FNIP2: variants seen among roughly 807,000 people sequenced by gnomAD.
The protein encoded by FNIP2 is folliculin interacting protein 2.
Under a neutral mutation model 108.7 loss-of-function variants are expected in FNIP2, and 32 were observed. The ratio of observed to expected loss-of-function variants is 0.29; its 90% CI spans 0.22 to 0.40. The LOEUF (loss-of-function observed/expected upper bound fraction) is 0.40, where lower values mean the gene tolerates loss of function less well. Among genes scored for constraint, FNIP2 ranks in the 10% least tolerant of loss-of-function variants. The probability of loss-of-function intolerance (pLI) is 1.00; values close to 1 mark genes in which losing one functional copy is unlikely to be tolerated. For missense variants in FNIP2, 1,202 were observed against 1,381.6 expected, an observed-to-expected ratio of 0.87 and a Z score of 2.06; for synonymous variants, 480 against 496.7, an observed-to-expected ratio of 0.97 and a Z score of 0.45.
intron 1 of FNIP2, among the ~76,000 whole-genome samples, chr4:158,789,500 G>A (rs895917549): frequency 6.6e-6 from 1 of 152,200 alleles, no homozygotes; most frequent in Admixed American, 6.5e-5. Context: ...TGTTTCTGAT[G>A]TGTGCTCTGA....
At chr4:158,789,082 A>G (rs1776314709) in intron 1 of FNIP2, among the ~76,000 whole-genome samples, 1 of 152,180 alleles carries the variant, frequency 6.6e-6, no homozygotes, top group South Asian at 2.1e-4. Context: ...CCTTACCTAA[A>G]GGAAAAGGGG....
intron 6 of FNIP2, 197 bp downstream of exon 6, chr4:158,833,825 A>C (rs1176931965): frequency 2.0e-6 from 3 of 1,511,876 alleles, no homozygotes; most frequent in South Asian, 2.4e-5. Context: ...TGCAGCAGCA[A>C]ACTGCTGCAG....
intron 8 of FNIP2, among the ~76,000 whole-genome samples, 171 bp downstream of exon 8, chr4:158,851,621 A>G (rs1373296483): frequency 6.6e-6 from 1 of 152,252 alleles, no homozygotes; most frequent in Non-Finnish European, 1.5e-5. Flanking sequence ...GGAAGAATAA[A>G]TAAAAGCTGA....
chr4:158,893,160 C>A (rs1782396583), intron 15 of FNIP2: 1 of 152,542 alleles, frequency 6.6e-6, no homozygotes, highest in African/African-American at 2.4e-5. Context: ...ACCTGTTCAA[C>A]AAGGGTGCTG....
intron 12 of FNIP2, among the ~76,000 whole-genome samples, chr4:158,867,153 A>C (rs1309352847): frequency 6.6e-6 from 1 of 152,104 alleles, no homozygotes. Context: ...ACTTGTCAGG[A>C]TATATAACTA....
chr4:158,861,475 A>C lies in FNIP2; in HGVS notation c.1282A>C (p.Ile428Leu). ...LKEFTLLIEQ[I>L]NKNQFFAALL... ...GGAGTTTACACTTCTGATAGAACAG[A>C]TAAATAAAAACCAGTAAGCTTCAAC... Residue 428 changes from isoleucine (I) to leucine (L), a missense_variant, in exon 11 of 17, where the codon ATA (isoleucine) becomes CTA (leucine). Ile to Leu is a conservative substitution (Grantham distance 5). This residue lies in a region of FNIP2 where 878 missense variants were observed against 990.3 expected (regional missense o/e 0.89). Coordinates refer to ENST00000264433, the MANE Select transcript of FNIP2 (RefSeq NM_020840.3). 4 of 1,613,980 alleles carry C rather than the reference A, an allele frequency of 2.5e-6. No individual in the cohort carries two copies. Among genetic ancestry groups the C allele is most frequent in the African/African-American group, 1.3e-5 (1 of 75,050 alleles).
Position 158,868,459 on chromosome 4 carries a change from G to A in FNIP2, c.1823G>A (p.Arg608Lys). 6.2e-7 allele frequency: 1 copy of A among 1,614,050 alleles called. No homozygotes were observed. Among genetic ancestry groups the A allele is most frequent in the South Asian group, 1.1e-5 (1 of 91,092 alleles). ...GAGTGCCCAGAGGGCACTGACAGTAGAGACCTGGGTCTTAAACCTGACAAA... is the reference window on the plus strand; with the variant it reads ...GAGTGCCCAGAGGGCACTGACAGTAAAGACCTGGGTCTTAAACCTGACAAA... ...FPECPEGTDS[R>K]DLGLKPDKEA... The change falls in exon 13 of 17, where the codon AGA becomes AAA. Residue 608 changes from arginine to lysine, a missense_variant. This residue lies in a region of FNIP2 where 878 missense variants were observed against 990.3 expected (regional missense o/e 0.89). Coordinates refer to ENST00000264433, the MANE Select transcript of FNIP2 (RefSeq NM_020840.3). This position sits in a 1 kb window ranked among gnomAD's most constrained non-coding sequence, Gnocchi z 4.6.
intron 1 of FNIP2, among the ~76,000 whole-genome samples, chr4:158,781,080 A>G (rs920329615): frequency 1.3e-5 from 2 of 151,792 alleles, no homozygotes; most frequent in African/African-American, 4.8e-5. Context: ...TCTAAGTACT[A>G]TTTCTAGGGA....
At chr4:158,848,540 A>G (rs547211641) in intron 7 of FNIP2, among the ~76,000 whole-genome samples, 3 of 152,210 alleles carry the variant, frequency 2.0e-5, no homozygotes, top group Non-Finnish European at 4.4e-5. Context: ...ACTACAATCA[A>G]TACCTAACTC....
chr4:158,809,814 C>A (rs148042181), intron 1 of FNIP2, among the ~76,000 whole-genome samples: 1 of 152,272 alleles, frequency 6.6e-6, no homozygotes, highest in East Asian at 1.9e-4. Flanking sequence ...AGAAGAAATT[C>A]TCTGTACTGC....
rs1428516816 is a variant in FNIP2, at chr4:158,902,837, A to C, written c.3267-1629A>C. ...CAGCAATGGTGGATGCCCCTCCCCC[A>C]ACCAACCTCAAACGTCCCAGGTCGA... On this transcript the variant is annotated intron_variant, in intron 16 of 16. Transcript: ENST00000264433. 3.3e-5 allele frequency among the ~76,000 whole-genome samples: 5 copies of C among 152,210 alleles called. No individual in the cohort carries two copies. The East Asian group carries it at 9.7e-4, about 29-fold the overall frequency.
At chr4:158,821,726 C>T (rs1447501028) in intron 1 of FNIP2, among the ~76,000 whole-genome samples, 3 of 152,166 alleles carry the variant, frequency 2.0e-5, no homozygotes, top group Admixed American at 2.0e-4. Context: ...GAGATTTGAT[C>T]CCAAGCCTGT....
At chr4:158,789,943 A>G (rs1000187197) in intron 1 of FNIP2, among the ~76,000 whole-genome samples, 3 of 152,134 alleles carry the variant, frequency 2.0e-5, no homozygotes, top group African/African-American at 7.2e-5. Context: ...GGTTTGGAGT[A>G]GTACAAGAGT....
chr4:158,782,348 A>G (rs1776079067), intron 1 of FNIP2, among the ~76,000 whole-genome samples: 1 of 151,934 alleles, frequency 6.6e-6, no homozygotes, highest in African/African-American at 2.4e-5. Flanking sequence ...TCTTTCCCCT[A>G]TCCCAGACCT....
intron 1 of FNIP2, among the ~76,000 whole-genome samples, chr4:158,823,210 A>G (rs1010901513): frequency 1.3e-5 from 2 of 152,208 alleles, no homozygotes; most frequent in Non-Finnish European, 2.9e-5. Context: ...CAAAATCAAC[A>G]TATGTACTAT....
chr4:158,827,434 G>C (rs1472243160), intron 2 of FNIP2, among the ~76,000 whole-genome samples: 1 of 152,130 alleles, frequency 6.6e-6, no homozygotes, highest in Non-Finnish European at 1.5e-5. Context: ...CTGGAATCTG[G>C]AAACATAGGC....
chr4:158,799,008 A>G (rs1776678070), intron 1 of FNIP2, among the ~76,000 whole-genome samples: 1 of 152,258 alleles, frequency 6.6e-6, no homozygotes, highest in Non-Finnish European at 1.5e-5. Context: ...ATTCCTTTCC[A>G]GGAAAACAGA....
At chr4:158,870,553 A>C in intron 14 of FNIP2, 84 bp downstream of exon 14, 1 of 1,492,602 alleles carries the variant, frequency 6.7e-7, no homozygotes, top group Non-Finnish European at 9.1e-7. Flanking sequence ...TAGACTGAAG[A>C]GAGACTAGTT....
At chr4:158,817,568 A>G (rs1777645339) in intron 1 of FNIP2, among the ~76,000 whole-genome samples, 1 of 151,994 alleles carries the variant, frequency 6.6e-6, no homozygotes, top group South Asian at 2.1e-4. Flanking sequence ...CTTTTTTCAG[A>G]CAGTGTCTCA....
Sources: gnomAD v4.1 joint callset for allele counts (sites outside exome capture counted in the v4.1 genomes callset) on GRCh38, gnomAD v4.1.1 for gene constraint, gnomAD v4.1.1 regional missense constraint, Gnocchi (gnomAD v3.1) non-coding constraint, MANE v1.5 for transcripts, NCBI Gene and HGNC (gene_info 2026-07-23, HGNC 2026-07-21) for gene names.